Variants in KCNJ6 observed in about 807,000 individuals in gnomAD.
KCNJ6 encodes the protein potassium inwardly rectifying channel subfamily J member 6.
A neutral mutation model predicts 34.2 loss-of-function variants in KCNJ6; 9 were observed. That is an observed-to-expected ratio of 0.26 (90% CI 0.16 to 0.46). The LOEUF is 0.46. Among genes scored for constraint, KCNJ6 ranks in the 20% least tolerant of loss-of-function variants. The pLI is 1.00. For missense variants in KCNJ6, 236 were observed against 531.3 expected (o/e 0.44, Z 5.46); for synonymous variants, 196 against 207.1 (o/e 0.95, Z 0.46).
chr21:37,653,343 CTG>C (rs1380756104), intron 3 of KCNJ6, among the ~76,000 whole-genome samples: 2 of 152,118 alleles, frequency 1.3e-5, no homozygotes, highest in Non-Finnish European at 2.9e-5. Flanking sequence ...AGGATGGAGA[CTG>C]TGGTTGAAGT....
rs1248599330 is a variant in KCNJ6 at position 37,662,022 on chromosome 21, TTA to T, written c.947-36540_947-36539del. Among the ~76,000 whole-genome samples the T allele has an allele frequency of 3.9e-5, 6 of 152,282 alleles. No individual in the cohort carries two copies. The East Asian group carries it at 9.6e-4, about 24-fold the overall frequency. On this transcript the variant is annotated intron_variant, in intron 3 of 3. Transcript: ENST00000609713. ...TATGTTTTGATCATTTGCGTTCTGC[TTA>T]TGTTATAATAACTATCTAGAAGAAA...
At chr21:37,772,999 G>T (rs1398018980) in intron 2 of KCNJ6, among the ~76,000 whole-genome samples, 3 of 152,198 alleles carry the variant, frequency 2.0e-5, no homozygotes, top group African/African-American at 4.8e-5. Flanking sequence ...GAATTAATTA[G>T]TGGGGAGATC....
chr21:37,896,204 C>T (rs2055787482), intron 1 of KCNJ6, among the ~76,000 whole-genome samples: 1 of 152,148 alleles, frequency 6.6e-6, no homozygotes, highest in South Asian at 2.1e-4. Context: ...CTCACTATGG[C>T]GAGGATAGTG....
chr21:37,896,259 C>T lies in KCNJ6; in HGVS notation c.-28+19625G>A, dbSNP rs1273909863. 5.3e-5 allele frequency among the ~76,000 whole-genome samples: 8 copies of T among 152,182 alleles called. No homozygotes were observed. The South Asian group carries it at 8.3e-4, about 16-fold the overall frequency. On this transcript the variant is annotated intron_variant, in intron 1 of 3. Transcript: ENST00000609713. ...CTTATGAGAAATTCGTCTCCATAAT[C>T]CTATCACCTCCTTCCAGGCCCCAAC...
At chr21:37,758,215 A>G (rs1029786560) in intron 2 of KCNJ6, among the ~76,000 whole-genome samples, 20 of 151,836 alleles carry the variant, frequency 1.3e-4, no homozygotes, top group Admixed American at 1.1e-3. Context: ...GGGTGTCTGC[A>G]GATGTCTGTG....
intron 2 of KCNJ6, among the ~76,000 whole-genome samples, chr21:37,795,259 T>C (rs1317635273): frequency 1.3e-5 from 2 of 152,168 alleles, no homozygotes; most frequent in South Asian, 2.1e-4. Flanking sequence ...TTCTGTGTTT[T>C]AGAAGATTGA....
intron 2 of KCNJ6, among the ~76,000 whole-genome samples, chr21:37,773,868 G>A (rs1379388215): frequency 6.6e-6 from 1 of 151,982 alleles, no homozygotes; most frequent in Non-Finnish European, 1.5e-5. Flanking sequence ...TCCCCTCCAG[G>A]TGCACGGCCA....
intron 2 of KCNJ6, among the ~76,000 whole-genome samples, chr21:37,768,129 G>T (rs1198452117): frequency 2.1e-5 from 3 of 145,794 alleles, no homozygotes; most frequent in Non-Finnish European, 3.0e-5. Context: ...ATCTTGAGCT[G>T]TCTGACTTTT....
At chr21:37,789,772 T>G (rs947882389) in intron 2 of KCNJ6, among the ~76,000 whole-genome samples, 5 of 152,188 alleles carry the variant, frequency 3.3e-5, no homozygotes, top group Admixed American at 1.3e-4. Flanking sequence ...TCGACCAGTG[T>G]CTCTATTACT....
chr21:37,797,342 G>A (rs985030517), intron 2 of KCNJ6, among the ~76,000 whole-genome samples: 2 of 152,204 alleles, frequency 1.3e-5, no homozygotes, highest in Admixed American at 6.5e-5. Flanking sequence ...GTGAGCCACT[G>A]TGCCTGGCCT....
At chr21:37,852,211 T>A (rs2055541123) in intron 1 of KCNJ6, among the ~76,000 whole-genome samples, 1 of 152,224 alleles carries the variant, frequency 6.6e-6, no homozygotes, top group African/African-American at 2.4e-5. Context: ...GTGGAGATTC[T>A]GAATTTTCCT....
At position 37,916,378 on chromosome 21, in the gene KCNJ6, C is replaced by G. The variant is rs1183019750; in HGVS notation, c.-522G>C. 2 of 152,148 alleles carry G rather than the reference C, an allele frequency of 1.3e-5. No individual in the cohort carries two copies. Among genetic ancestry groups the G allele is most frequent in the Non-Finnish European group, 2.9e-5 (2 of 68,058 alleles). The allele number at this position is 152,148 out of a possible 1,614,324, so 9.4% of individuals were successfully genotyped here. ...AGAGACGTCATGAAATCCGCAGATT[C>G]AATGAATGCTACTCAATTCCAGCCG... On this transcript the variant is annotated 5_prime_UTR_variant, in exon 1 of 4. Transcript: ENST00000609713.
intron 2 of KCNJ6, among the ~76,000 whole-genome samples, chr21:37,778,682 C>A (rs2055154083): frequency 1.4e-5 from 2 of 144,800 alleles, no homozygotes; most frequent in Admixed American, 1.4e-4. Context: ...TTGTGTGTAT[C>A]CGTGTGCTGT....
intron 2 of KCNJ6, among the ~76,000 whole-genome samples, chr21:37,724,546 G>C (rs1405729354): frequency 2.0e-5 from 3 of 152,198 alleles, no homozygotes. Context: ...ACTGATTTAA[G>C]TTGGAGACTA....
intron 2 of KCNJ6, among the ~76,000 whole-genome samples, chr21:37,766,765 G>C (rs2055093475): frequency 6.6e-6 from 1 of 152,126 alleles, no homozygotes; most frequent in Non-Finnish European, 1.5e-5. Context: ...TTAGGAACTG[G>C]GCCACACAGC....
intron 1 of KCNJ6, among the ~76,000 whole-genome samples, chr21:37,842,663 G>A (rs1320784715): frequency 6.6e-6 from 1 of 152,196 alleles, no homozygotes; most frequent in Admixed American, 6.5e-5. Context: ...AAACAGCATG[G>A]CGTGGGCCAG....
chr21:37,751,570 C>A (rs146897701), intron 2 of KCNJ6, among the ~76,000 whole-genome samples: 3 of 152,328 alleles, frequency 2.0e-5, no homozygotes, highest in Non-Finnish European at 4.4e-5. Context: ...GAGCAGACTG[C>A]GAGGCTGTAA....
rs2054269947 is a variant in KCNJ6, at chr21:37,616,872, A to G, written c.*8287T>C. ...CTGTGTGGGCACCAGGAGACAGCAT[A>G]AGTTGTGTCTGTAAGTGCTGCAATG... On this transcript the variant is annotated 3_prime_UTR_variant, in exon 4 of 4. Coordinates refer to ENST00000609713, the MANE Select transcript of KCNJ6 (RefSeq NM_002240.5). The G allele has an allele frequency of 6.6e-6, 1 of 151,740 alleles. No individual in the cohort carries two copies. The highest frequency in any genetic ancestry group is 1.5e-5 in the Non-Finnish European group (1 of 67,966). The allele number at this position is 151,740 out of a possible 1,614,324, so 9.4% of individuals were successfully genotyped here. A position where few individuals can be genotyped will look rare whatever the true frequency, so the allele number is the denominator to read the frequency against.
intron 2 of KCNJ6, among the ~76,000 whole-genome samples, chr21:37,717,959 C>T (rs1206711138): frequency 6.6e-6 from 1 of 152,242 alleles, no homozygotes; most frequent in Admixed American, 6.5e-5. Flanking sequence ...ATTGTCCTGA[C>T]CTGGAAGAAC....
Sources: allele counts gnomAD v4.1 joint callset (sites outside exome capture counted in the v4.1 genomes callset), GRCh38; gene constraint gnomAD v4.1.1; transcripts MANE v1.5; gene names NCBI Gene and HGNC (gene_info 2026-07-23, HGNC 2026-07-21).